LIN28B: variants seen among roughly 807,000 people sequenced by gnomAD.
LIN28B encodes lin-28 RNA binding posttranscriptional regulator B, also known as protein lin-28 homolog B.
In LIN28B, 5 loss-of-function variants were observed where a neutral mutation model predicts 21.9. The observed-to-expected ratio is 0.23, with a 90% CI of 0.12 to 0.48. LIN28B has a LOEUF of 0.48. Ranked by LOEUF, LIN28B falls within the 20% of genes least tolerant of loss-of-function variation. The pLI is 0.98. For missense variants in LIN28B, 245 were observed against 310.5 expected (o/e 0.79, Z 1.58); for synonymous variants, 109 against 111.3 (o/e 0.98, Z 0.13).
upstream of LIN28B, among the ~76,000 whole-genome samples, chr6:104,956,210 C>T (rs927241373): frequency 2.0e-5 from 3 of 151,986 alleles, no homozygotes; most frequent in Non-Finnish European, 4.4e-5. Context: ...CTGGCGGCTC[C>T]TCTTCACCTC....
At chr6:105,062,903 G>A (rs1772149675) in intron 3 of LIN28B, among the ~76,000 whole-genome samples, 1 of 151,450 alleles carries the variant, frequency 6.6e-6, no homozygotes, top group African/African-American at 2.4e-5. Context: ...TTTCCTTTCA[G>A]TCAGTGCCTT....
chr6:104,959,425 C>G (rs969292725), intron 2 of LIN28B, among the ~76,000 whole-genome samples: 1 of 152,024 alleles, frequency 6.6e-6, no homozygotes, highest in Non-Finnish European at 1.5e-5. Context: ...TATTTATACC[C>G]CCTTCCCTAA....
At chr6:105,033,482 T>C (rs2114353415) in intron 3 of LIN28B, among the ~76,000 whole-genome samples, 1 of 152,196 alleles carries the variant, frequency 6.6e-6, no homozygotes, top group Non-Finnish European at 1.5e-5. Context: ...TATTTTATTC[T>C]CTCTTAAAAT....
intron 3 of LIN28B, among the ~76,000 whole-genome samples, chr6:105,033,871 C>T (rs1771472578): frequency 6.6e-6 from 1 of 151,544 alleles, no homozygotes; most frequent in African/African-American, 2.4e-5. Context: ...ATTTTCTTTG[C>T]CACAGTTGAT....
intron 2 of LIN28B, among the ~76,000 whole-genome samples, chr6:104,950,298 T>C (rs1778206129): frequency 6.6e-6 from 1 of 152,138 alleles, no homozygotes; most frequent in African/African-American, 2.4e-5. Context: ...CAATTGGTTA[T>C]CTAATTTTGC....
intron 2 of LIN28B, among the ~76,000 whole-genome samples, chr6:104,962,454 AG>A (rs1260080929): frequency 2.0e-5 from 3 of 152,058 alleles, no homozygotes; most frequent in African/African-American, 7.2e-5. Flanking sequence ...CACATTAGAA[AG>A]GCTTTATATA....
At chr6:104,957,359 T>A in intron 1 of LIN28B, 99 bp downstream of exon 1, 1 of 485,440 alleles carries the variant, frequency 2.1e-6, no homozygotes, top group Non-Finnish European at 3.3e-6. Flanking sequence ...CCCCTTCCCC[T>A]TTTACCCCAA....
At chr6:105,005,675 T>C (rs1331758896) in intron 2 of LIN28B, among the ~76,000 whole-genome samples, 1 of 152,276 alleles carries the variant, frequency 6.6e-6, no homozygotes, top group African/African-American at 2.4e-5. Context: ...CTGCCATGAC[T>C]GTAAGTTTCT....
At chr6:105,026,763 A>C (rs115664118) in intron 3 of LIN28B, among the ~76,000 whole-genome samples, 1,627 of 152,202 alleles carry the variant, frequency 0.011, 39 homozygotes, top group African/African-American at 0.037. Context: ...CAATAGATAG[A>C]GGTGCCCCTT....
At chr6:105,008,197 G>A (rs1770853659) in intron 2 of LIN28B, among the ~76,000 whole-genome samples, 1 of 152,096 alleles carries the variant, frequency 6.6e-6, no homozygotes, top group Non-Finnish European at 1.5e-5. Context: ...TCCAAACCAC[G>A]AAGTTGTTAA....
rs1772480899 is a variant in LIN28B at position 105,078,654 on chromosome 6, G to A, written c.624G>A (p.Gln208=). 1 of 1,614,046 alleles carries A rather than the reference G, an allele frequency of 6.2e-7. No individual in the cohort carries two copies. Among genetic ancestry groups the A allele is most frequent in the Non-Finnish European group, 8.5e-7 (1 of 1,180,054 alleles). Residue 208 remains glutamine (Q), a synonymous_variant, in exon 4 of 4, where the codon CAG becomes CAA. Transcript: ENST00000345080. ...GHGCTSPPFP[Q]EARAEISERS... ...GCTGTACATCACCACCGTTTCCTCA[G>A]GAGGCTAGGGCAGAGATCTCAGAAC...
rs117390392 is a variant in LIN28B, at chr6:105,082,295, T to A, written c.*3512T>A. 764 of 152,736 alleles carry A rather than the reference T, an allele frequency of 5.0e-3. 1 individual carries two copies. Among genetic ancestry groups the A allele is most frequent in the Middle Eastern group, 0.01 (3 of 294 alleles). 9.5% of individuals were successfully genotyped at this position (152,736 alleles called of 1,614,324 possible). ...AGTCCACCTCCAATATTGCCGATAC[T>A]TTTTTTATTCTGGCTCAGTTTTATT... On this transcript the variant is annotated 3_prime_UTR_variant, in exon 4 of 4. Coordinates refer to ENST00000345080, the MANE Select transcript of LIN28B (RefSeq NM_001004317.4).
chr6:105,055,815 C>T (rs953036875), intron 3 of LIN28B, among the ~76,000 whole-genome samples: 6 of 151,618 alleles, frequency 4.0e-5, no homozygotes, highest in South Asian at 2.1e-4. Flanking sequence ...CAGCCCAGGC[C>T]GGAGTGCAGT....
At chr6:105,064,138 T>A (rs1049431415) in intron 3 of LIN28B, among the ~76,000 whole-genome samples, 1 of 152,148 alleles carries the variant, frequency 6.6e-6, no homozygotes, top group East Asian at 1.9e-4. Context: ...GTGGTGCATA[T>A]TTACTGTATG....
intron 2 of LIN28B, among the ~76,000 whole-genome samples, chr6:104,945,821 G>C (rs1778149757): frequency 6.6e-6 from 1 of 152,014 alleles, no homozygotes; most frequent in South Asian, 2.1e-4. Context: ...GCTGCTATCT[G>C]TGCCATAATA....
chr6:105,044,737 A>C (rs1427946201), intron 3 of LIN28B, among the ~76,000 whole-genome samples: 1 of 152,194 alleles, frequency 6.6e-6, no homozygotes, highest in East Asian at 1.9e-4. Flanking sequence ...TTAGGGGTAC[A>C]AGTGGCTTTT....
At chr6:104,989,937 T>C (rs528907201) in intron 2 of LIN28B, among the ~76,000 whole-genome samples, 1 of 152,178 alleles carries the variant, frequency 6.6e-6, no homozygotes, top group African/African-American at 2.4e-5. Context: ...ACGCTTCTTT[T>C]CTGTAAATGC....
Position 105,053,353 on chromosome 6 carries a change from C to T in LIN28B, c.384-25061C>T, listed in dbSNP as rs563558416. On this transcript the variant is annotated intron_variant, in intron 3 of 3. Coordinates refer to ENST00000345080, the MANE Select transcript of LIN28B (RefSeq NM_001004317.4). ...ATAGTGTTAATTAGATAATGGTGGTCGATAGTGTAGCCCAAATCTATGTCT... is the reference window on the plus strand; with the variant it reads ...ATAGTGTTAATTAGATAATGGTGGTTGATAGTGTAGCCCAAATCTATGTCT... 3.0e-3 allele frequency among the ~76,000 whole-genome samples: 454 copies of T among 149,838 alleles called. 1 individual carries two copies. The highest frequency in any genetic ancestry group is 5.7e-3 in the Non-Finnish European group (385 of 67,656).
chr6:104,956,490 A>G (rs557329648), upstream of LIN28B, among the ~76,000 whole-genome samples: 1 of 152,250 alleles, frequency 6.6e-6, no homozygotes, highest in South Asian at 2.1e-4. Flanking sequence ...GTAGGATTTT[A>G]TTTTAAATTT....
Sources: gnomAD v4.1 joint callset for allele counts (sites outside exome capture counted in the v4.1 genomes callset) on GRCh38, gnomAD v4.1.1 for gene constraint, MANE v1.5 for transcripts, NCBI Gene and HGNC (gene_info 2026-07-23, HGNC 2026-07-21) for gene names.